CFAP20DC: variants seen among roughly 807,000 people sequenced by gnomAD.
CFAP20DC encodes CFAP20 domain containing, also known as protein CFAP20DC.
Under a neutral mutation model 101.7 loss-of-function variants are expected in CFAP20DC, and 84 were observed. The ratio of observed to expected loss-of-function variants is 0.83; its 90% CI spans 0.69 to 0.99. CFAP20DC has a LOEUF of 0.99. Ranked by LOEUF, CFAP20DC falls within the 50% of genes least tolerant of loss-of-function variation. The pLI, the probability that CFAP20DC is intolerant of heterozygous loss-of-function variation, is 0.00. For missense variants in CFAP20DC, 1,007 were observed against 970.3 expected (o/e 1.04, Z -0.50); for synonymous variants, 359 against 351.2 (o/e 1.02, Z -0.25).
In CFAP20DC at chr3:58,937,760, A is replaced by C. The variant is rs1238943635; in HGVS notation, c.281T>G (p.Ile94Ser). Reference protein sequence around the residue: ...LGQDFSTELLITDLGNIKRRL... With the variant: ...LGQDFSTELLSTDLGNIKRRL... The stretch of plus-strand genomic sequence containing the variant: ...TCTTTTGATGTTCCCTAAATCAGTA[A>C]TTCTGAAAACATGGAGGAGAGAAGA... Residue 94 changes from isoleucine to serine, a missense_variant and splice_region_variant, in exon 5 of 17, where the codon ATT becomes AGT. Transcript: ENST00000482387. 3 of 1,533,198 alleles carry C rather than the reference A, an allele frequency of 2.0e-6. No homozygotes were observed. The highest frequency in any genetic ancestry group is 2.7e-6 in the Non-Finnish European group (3 of 1,107,598). The allele number at this position is 1,533,198 out of a possible 1,614,324, so 95.0% of individuals were successfully genotyped here. A position where few individuals can be genotyped will look rare whatever the true frequency, so the allele number is the denominator to read the frequency against.
At chr3:58,836,917 G>A (rs932707025) in intron 13 of CFAP20DC, among the ~76,000 whole-genome samples, 3 of 152,092 alleles carry the variant, frequency 2.0e-5, no homozygotes, top group Non-Finnish European at 4.4e-5. Context: ...TTTTGTGGAG[G>A]ATCAGTTAAA....
intron 15 of CFAP20DC, among the ~76,000 whole-genome samples, chr3:58,796,060 G>A (rs1423724107): frequency 6.6e-6 from 1 of 152,200 alleles, no homozygotes; most frequent in Non-Finnish European, 1.5e-5. Context: ...GACATCTGTT[G>A]TGATGGCTAG....
chr3:58,980,015 G>A (rs536099778), intron 4 of CFAP20DC, among the ~76,000 whole-genome samples: 5 of 152,124 alleles, frequency 3.3e-5, no homozygotes, highest in Admixed American at 1.3e-4. Flanking sequence ...TGTTTGCCTC[G>A]GACATCACTG....
At chr3:58,920,986 T>A (rs1007460050) in intron 5 of CFAP20DC, among the ~76,000 whole-genome samples, 4 of 152,198 alleles carry the variant, frequency 2.6e-5, no homozygotes, top group Admixed American at 2.6e-4. Flanking sequence ...ACATTTTCTA[T>A]TTCTTCTAGT....
chr3:58,813,067 C>T lies in CFAP20DC; in HGVS notation c.2176-6611G>A, dbSNP rs79638824. ...TGTGTAAATATAATTTCTATTACCA[C>T]GAATGAGAATTACACATGTAAATCT... On this transcript the variant is annotated intron_variant, in intron 14 of 16. Transcript: ENST00000482387. 6.9e-3 allele frequency among the ~76,000 whole-genome samples: 1,050 copies of T among 151,916 alleles called. 39 individuals are homozygous for T. The highest frequency in any genetic ancestry group is 0.024 in the African/African-American group (991 of 41,268).
intron 5 of CFAP20DC, among the ~76,000 whole-genome samples, chr3:58,916,824 T>C (rs763464780): frequency 3.9e-5 from 6 of 152,204 alleles, no homozygotes; most frequent in Non-Finnish European, 5.9e-5. Context: ...ATTGTTCATA[T>C]AAATGCTGTG....
chr3:59,028,055 T>G (rs1187748908), intron 4 of CFAP20DC, among the ~76,000 whole-genome samples: 2 of 152,234 alleles, frequency 1.3e-5, no homozygotes, highest in African/African-American at 4.8e-5. Flanking sequence ...GAGAGAATTC[T>G]GTTACTTCAC....
chr3:58,888,286 C>T (rs1427451636), intron 6 of CFAP20DC, among the ~76,000 whole-genome samples: 6 of 152,188 alleles, frequency 3.9e-5, no homozygotes, highest in Admixed American at 2.0e-4. Context: ...TACTATGTGC[C>T]AGGCGTATGT....
At chr3:58,941,243 C>T (rs1006497367) in intron 4 of CFAP20DC, among the ~76,000 whole-genome samples, 3 of 143,400 alleles carry the variant, frequency 2.1e-5, no homozygotes, top group South Asian at 2.3e-4. Context: ...GCAGGAGAAT[C>T]GCTTGAACCC....
At position 58,849,205 on chromosome 3, in the gene CFAP20DC, A is replaced by G; in HGVS notation, c.1798T>C (p.Leu600=). 6.5e-7 allele frequency: 1 copy of G among 1,536,114 alleles called. No homozygotes were observed. Residue 600 remains leucine, a synonymous_variant, in exon 13 of 17, where the codon TTG becomes CTG. Transcript: ENST00000482387. ...IDRNNFEMSL[L]PTTCLSPTGR... ...GTTGGAGAAAGGCATGTTGTAGGCA[A>G]CAAACTCATTTCAAAGTTATTTCTA...
At chr3:58,896,161 A>T (rs2082655353) in intron 6 of CFAP20DC, among the ~76,000 whole-genome samples, 1 of 151,908 alleles carries the variant, frequency 6.6e-6, no homozygotes, top group South Asian at 2.1e-4. Flanking sequence ...TTTCTACTGG[A>T]TTTTCTAGTT....
At chr3:58,902,146 G>A (rs2083202305) in intron 6 of CFAP20DC, among the ~76,000 whole-genome samples, 1 of 152,138 alleles carries the variant, frequency 6.6e-6, no homozygotes, top group African/African-American at 2.4e-5. Context: ...AAATGGCTGA[G>A]TGCTATTCCA....
At position 58,817,657 on chromosome 3, in the gene CFAP20DC, C is replaced by T. The variant is rs1404060828; in HGVS notation, c.2176-11201G>A. Among the ~76,000 whole-genome samples, 7 of 146,324 alleles carry T rather than the reference C, an allele frequency of 4.8e-5. No individual in the cohort carries two copies. The East Asian group carries it at 1.0e-3, about 21-fold the overall frequency. On this transcript the variant is annotated intron_variant, in intron 14 of 16. Coordinates refer to ENST00000482387, the MANE Select transcript of CFAP20DC (RefSeq NM_001394063.1). ...GGACTATGTGAAAAGACCAAATCTACGTCTGATTGGTGTACCTGAAAGTGA... is the reference window on the plus strand; with the variant it reads ...GGACTATGTGAAAAGACCAAATCTATGTCTGATTGGTGTACCTGAAAGTGA...
In CFAP20DC at chr3:58,870,153, T is replaced by G; in HGVS notation, c.852+20A>C. 2 of 1,497,778 alleles carry G rather than the reference T, an allele frequency of 1.3e-6. No individual in the cohort carries two copies. The highest frequency in any genetic ancestry group is 1.8e-6 in the Non-Finnish European group (2 of 1,105,326). The allele number at this position is 1,497,778 out of a possible 1,614,324, so 92.8% of individuals were successfully genotyped here. Reference sequence around the variant, plus strand: ...CCAGGTCACTTGTGCTTAGATAAGCTCTCCAAACCTTGCTCCTACCTCGCT... The same window carrying G: ...CCAGGTCACTTGTGCTTAGATAAGCGCTCCAAACCTTGCTCCTACCTCGCT... On this transcript the variant is annotated intron_variant, in intron 8 of 16. Transcript: ENST00000482387.
intron 13 of CFAP20DC, among the ~76,000 whole-genome samples, chr3:58,844,951 T>C (rs1449555009): frequency 4.4e-5 from 6 of 135,372 alleles, no homozygotes; most frequent in Non-Finnish European, 9.2e-5. Flanking sequence ...ATAAAGATGT[T>C]CTTTGAAACC....
chr3:58,796,671 C>T (rs558320133), intron 15 of CFAP20DC, among the ~76,000 whole-genome samples: 13 of 152,150 alleles, frequency 8.5e-5, no homozygotes, highest in Non-Finnish European at 1.6e-4. Context: ...CATACACACA[C>T]ACAGGCATGC....
chr3:58,953,605 A>G (rs2090349605), intron 4 of CFAP20DC: 1 of 152,198 alleles, frequency 6.6e-6, no homozygotes. Flanking sequence ...CAAAGCTTAA[A>G]TGGTTCTAAA....
chr3:58,927,884 G>C (rs982323630), intron 5 of CFAP20DC, among the ~76,000 whole-genome samples: 1 of 152,284 alleles, frequency 6.6e-6, no homozygotes. Flanking sequence ...TTTGGGAATA[G>C]AGTATACTAG....
At chr3:59,021,427 C>T (rs1309185499) in intron 4 of CFAP20DC, among the ~76,000 whole-genome samples, 2 of 152,026 alleles carry the variant, frequency 1.3e-5, no homozygotes, top group East Asian at 1.9e-4. Context: ...AAAATAAGTT[C>T]TAAGGTGACT....
Sources: allele counts gnomAD v4.1 joint callset (sites outside exome capture counted in the v4.1 genomes callset), GRCh38; gene constraint gnomAD v4.1.1; transcripts MANE v1.5; gene names NCBI Gene and HGNC (gene_info 2026-07-23, HGNC 2026-07-21).